The following MECR variants were observed in gnomAD, a reference collection of about 807,000 sequenced individuals.
The protein encoded by MECR is enoyl-[acyl-carrier-protein] reductase, mitochondrial.
A neutral mutation model predicts 49.1 loss-of-function variants in MECR; 37 were observed. That is an observed-to-expected ratio of 0.75 (90% CI 0.58 to 0.99). The LOEUF is 0.99. Among genes scored for constraint, MECR ranks in the 50% least tolerant of loss-of-function variants. MECR has a pLI of 0.00. For synonymous variants in MECR, 198 were observed against 191.1 expected (o/e 1.04, Z -0.30); for missense variants, 470 against 479.6 (o/e 0.98, Z 0.19).
intron 1 of MECR, 131 bp downstream of exon 1, chr1:29,230,600 G>T: frequency 8.3e-7 from 1 of 1,208,726 alleles, no homozygotes; most frequent in East Asian, 2.6e-5. Context: ...AAAACGCCCT[G>T]GGCTTCGGCT....
chr1:29,175,807 C>T, the MECR span, among the ~76,000 whole-genome samples: 2 of 150,704 alleles, frequency 1.3e-5, no homozygotes, highest in Admixed American at 6.6e-5. Flanking sequence ...TATTCAAACA[C>T]GCTTTTAAAC....
Position 29,216,626 on chromosome 1 carries a change from G to A in MECR, c.236C>T (p.Ala79Val), listed in dbSNP as rs750365471. ...TATGTCAGATGGATTGATAGGGGCC[G>A]CCAGCATCTTCACACGGACATCTGA... ...RGSDVRVKMLAAPINPSDINM... is the reference protein window; with the variant it reads ...RGSDVRVKMLVAPINPSDINM... Residue 79 changes from alanine (A) to valine (V), a missense_variant, in exon 2 of 10, where the codon GCG becomes GTG. Physicochemically the swap from Ala to Val is moderately conservative, Grantham distance 64. Coordinates refer to ENST00000263702, the MANE Select transcript of MECR (RefSeq NM_016011.5). 20 of 1,614,038 alleles carry A rather than the reference G, an allele frequency of 1.2e-5. No individual in the cohort carries two copies. The highest frequency in any genetic ancestry group is 4.5e-5 in the East Asian group (2 of 44,898).
chr1:29,175,694 CAAAAAAAAAAAAAA>C, the MECR span, among the ~76,000 whole-genome samples: 3 of 38,604 alleles, frequency 7.8e-5, no homozygotes, highest in African/African-American at 1.3e-4. Context: ...GACGCTGTCT[CAAAAAAAAAAAAAA>C]AAAAAAAAAA....
Position 29,200,568 on chromosome 1 carries a change from C to T in MECR, c.778G>A (p.Ala260Thr). The change falls in exon 7 of 10, where the codon GCT becomes ACT. Residue 260 changes from alanine to threonine, a missense_variant. Transcript: ENST00000263702. ...CTTTTCCCACCAACACAGTTGAGAG[C>T]AAGCCGTGGCTGGGGCATGTCCTGG... is the stretch of plus-strand genomic sequence containing the variant. ...FFKDMPQPRL[A>T]LNCVGGKSST... The T allele has an allele frequency of 6.2e-7, 1 of 1,613,866 alleles. No individual in the cohort carries two copies. The highest frequency in any genetic ancestry group is 8.5e-7 in the Non-Finnish European group (1 of 1,179,804).
chr1:29,173,966 A>G, the MECR span, among the ~76,000 whole-genome samples: 52 of 151,714 alleles, frequency 3.4e-4, no homozygotes, highest in African/African-American at 1.2e-3. Context: ...AGGTGGGCGG[A>G]TCACCTGAGG....
the MECR span, among the ~76,000 whole-genome samples, chr1:29,182,591 T>C: frequency 1.3e-3 from 201 of 152,106 alleles, 2 homozygotes; most frequent in East Asian, 0.033. Context: ...TCGCCCAGGC[T>C]GGAGTGCAGT....
chr1:29,205,861 C>T (rs149030110), intron 4 of MECR, among the ~76,000 whole-genome samples: 1 of 152,244 alleles, frequency 6.6e-6, no homozygotes, highest in East Asian at 1.9e-4. Context: ...GCAGCAGTAA[C>T]CGGGCTTCAT....
Position 29,195,964 on chromosome 1 carries a change from T to C in MECR, c.941A>G (p.Gln314Arg). Residue 314 changes from glutamine to arginine, a missense_variant, in exon 9 of 10, where the codon CAG becomes CGG. Coordinates refer to ENST00000263702, the MANE Select transcript of MECR (RefSeq NM_016011.5). ...ACCTGGACTGTGATCCTTCTTCCACTGGGACAACCAAAAGCCTCGAAGTTT... is the reference window on the plus strand; with the variant it reads ...ACCTGGACTGTGATCCTTCTTCCACCGGGACAACCAAAAGCCTCGAAGTTT... Reference protein sequence around the residue: ...DLKLRGFWLSQWKKDHSPDQF... With the variant: ...DLKLRGFWLSRWKKDHSPDQF... The C allele has an allele frequency of 6.2e-7, 1 of 1,614,232 alleles. No individual in the cohort carries two copies. Among genetic ancestry groups the C allele is most frequent in the Non-Finnish European group, 8.5e-7 (1 of 1,180,044 alleles).
chr1:29,193,106 G>A lies in MECR; in HGVS notation c.*916C>T, dbSNP rs1416260320. The A allele has an allele frequency of 5.6e-6, 1 of 177,008 alleles. No homozygotes were observed. Among genetic ancestry groups the A allele is most frequent in the African/African-American group, 2.4e-5 (1 of 41,522 alleles). The allele number at this position is 177,008 out of a possible 1,614,324, so 11.0% of individuals were successfully genotyped here. ...ACTACAGGTGCACAGCACCATACCT[G>A]GCTAATGTTTGTATTTTTTGTAGAG... On this transcript the variant is annotated 3_prime_UTR_variant, in exon 10 of 10. Transcript: ENST00000263702.
chr1:29,181,555 C>A, the MECR span: 1 of 1,151,110 alleles, frequency 8.7e-7, no homozygotes. Context: ...CCGCTCCGCG[C>A]GGACCAGGCG....
chr1:29,195,814 T>C, intron 9 of MECR, 127 bp downstream of exon 9: 1 of 935,150 alleles, frequency 1.1e-6, no homozygotes, highest in Non-Finnish European at 1.7e-6. Context: ...AAGGCTATTC[T>C]CTTTGATCCT....
the MECR span, chr1:29,181,827 G>T: frequency 7.9e-7 from 1 of 1,268,416 alleles, no homozygotes; most frequent in Non-Finnish European, 1.0e-6. Context: ...AGAGCACGGC[G>T]GCAGCGGCGG....
chr1:29,184,263 C>T, the MECR span, among the ~76,000 whole-genome samples: 1 of 147,884 alleles, frequency 6.8e-6, no homozygotes, highest in Non-Finnish European at 1.5e-5. Context: ...GCAGTCTCTG[C>T]CTCCAGGTTC....
rs551740183 is a variant in MECR at position 29,223,147 on chromosome 1, G to A, written c.177-6462C>T. 2.4e-5 allele frequency: 24 copies of A among 985,432 alleles called. 1 individual carries two copies. In the Admixed American group the frequency reaches 8.6e-4, roughly 35 times the overall value. 61.0% of individuals were successfully genotyped at this position (985,432 alleles called of 1,614,324 possible). A position where few individuals can be genotyped will look rare whatever the true frequency, so the allele number is the denominator to read the frequency against. ...AAATTGCTTCCCCCATACCGTTCAC[G>A]TCCTCCGTGAATGTAATGGCGCCAT... is the stretch of plus-strand genomic sequence containing the variant. On this transcript the variant is annotated intron_variant, in intron 1 of 9. Transcript: ENST00000263702.
chr1:29,197,904 G>A (rs1335698664), intron 7 of MECR, among the ~76,000 whole-genome samples: 1 of 152,196 alleles, frequency 6.6e-6, no homozygotes, highest in African/African-American at 2.4e-5. Flanking sequence ...AAGTCCATCC[G>A]TCATTTGTAC....
At chr1:29,221,298 G>A (rs1041152497) in intron 1 of MECR, 2 of 152,220 alleles carry the variant, frequency 1.3e-5, no homozygotes, top group South Asian at 2.1e-4. Flanking sequence ...AATAGAGGGA[G>A]GCTTGTGGTG....
the MECR span, among the ~76,000 whole-genome samples, chr1:29,174,818 C>T: frequency 6.6e-6 from 1 of 151,240 alleles, no homozygotes; most frequent in African/African-American, 2.4e-5. Flanking sequence ...GGACTACAGG[C>T]GTGCGCCATC....
intron 1 of MECR, chr1:29,220,913 G>A: frequency 1.0e-6 from 1 of 985,296 alleles, no homozygotes; most frequent in South Asian, 4.7e-5. Context: ...CAATTCCCTG[G>A]TTATACCTCT....
chr1:29,181,823 C>A, the MECR span: 3 of 1,266,252 alleles, frequency 2.4e-6, no homozygotes, highest in African/African-American at 1.6e-5. Flanking sequence ...AGCGAGAGCA[C>A]GGCGGCAGCG....
Sources: allele counts gnomAD v4.1 joint callset (sites outside exome capture counted in the v4.1 genomes callset), GRCh38; gene constraint gnomAD v4.1.1; transcripts MANE v1.5; gene names NCBI Gene and HGNC (gene_info 2026-07-23, HGNC 2026-07-21).